The following GRID1 variants were observed in gnomAD, a reference collection of about 807,000 sequenced individuals.
The protein encoded by GRID1 is glutamate receptor ionotropic, delta-1.
Under a neutral mutation model 98.0 loss-of-function variants are expected in GRID1, and 28 were observed. The observed-to-expected ratio is 0.29, with a 90% CI of 0.21 to 0.39. The LOEUF (loss-of-function observed/expected upper bound fraction) is 0.39, where lower values mean the gene tolerates loss of function less well. Ranked by LOEUF, GRID1 falls within the 10% of genes least tolerant of loss-of-function variation. The pLI is 1.00. For synonymous variants in GRID1, 553 were observed against 538.5 expected, an observed-to-expected ratio of 1.03 and a Z score of -0.37; for missense variants, 1,111 against 1,340.5, an observed-to-expected ratio of 0.83 and a Z score of 2.67.
At chr10:86,061,552 C>G (rs1478703868) in intron 4 of GRID1, among the ~76,000 whole-genome samples, 1 of 152,242 alleles carries the variant, frequency 6.6e-6, no homozygotes, top group East Asian at 1.9e-4. Context: ...GCAGTCAAGA[C>G]CCCTCTCCAC....
At chr10:85,606,585 C>G (rs1427865849) in intron 15 of GRID1, 1 of 152,194 alleles carries the variant, frequency 6.6e-6, no homozygotes, top group Non-Finnish European at 1.5e-5. Context: ...CCTGCTCCTG[C>G]TGCTGTCTGT....
chr10:86,238,668 C>CAAAAA (rs931719950), intron 2 of GRID1, among the ~76,000 whole-genome samples: 22 of 47,044 alleles, frequency 4.7e-4, no homozygotes, highest in African/African-American at 1.2e-3. Flanking sequence ...GATTCCATCT[C>CAAAAA]AAAAAAAAAA....
chr10:85,603,814 C>T (rs1842617148), intron 15 of GRID1, among the ~76,000 whole-genome samples: 1 of 152,180 alleles, frequency 6.6e-6, no homozygotes, highest in African/African-American at 2.4e-5. Flanking sequence ...TCCCAAAGCT[C>T]AGCTCCCAGG....
intron 8 of GRID1, among the ~76,000 whole-genome samples, chr10:85,808,924 G>A (rs1312649915): frequency 6.6e-6 from 1 of 152,084 alleles, no homozygotes; most frequent in Non-Finnish European, 1.5e-5. Flanking sequence ...GATATTGAGT[G>A]AACAGACCAG....
rs369187793 is a variant in GRID1 at position 85,745,650 on chromosome 10, C to A, written c.1234-16036G>T. On this transcript the variant is annotated intron_variant, in intron 8 of 15. Transcript: ENST00000327946. Reference sequence around the variant, plus strand: ...TGACACGTTAGTGGGTGCAGCGCACCAGCATGGCACATGTATACATATGTA... The same window carrying A: ...TGACACGTTAGTGGGTGCAGCGCACAAGCATGGCACATGTATACATATGTA... 5.0e-4 allele frequency among the ~76,000 whole-genome samples: 70 copies of A among 140,124 alleles called. 1 individual carries two copies. In the East Asian group the frequency reaches 9.8e-3, roughly 20 times the overall value. 91.9% of individuals were successfully genotyped at this position (140,124 alleles called of 152,430 possible). A position where few individuals can be genotyped will look rare whatever the true frequency, so the allele number is the denominator to read the frequency against.
chr10:85,943,263 T>G (rs2131839542), intron 4 of GRID1, among the ~76,000 whole-genome samples: 1 of 152,306 alleles, frequency 6.6e-6, no homozygotes, highest in South Asian at 2.1e-4. Context: ...GGAAAATGAT[T>G]ATTTAATAAG....
At chr10:86,289,836 C>T (rs903936427) in intron 2 of GRID1, among the ~76,000 whole-genome samples, 2 of 152,192 alleles carry the variant, frequency 1.3e-5, no homozygotes, top group Non-Finnish European at 2.9e-5. Flanking sequence ...AAAGCCTTTG[C>T]CTGAGCTTTC....
intron 12 of GRID1, among the ~76,000 whole-genome samples, chr10:85,674,258 C>T (rs886393638): frequency 3.9e-5 from 6 of 152,188 alleles, no homozygotes; most frequent in Admixed American, 6.5e-5. Context: ...CCCCTGTGTT[C>T]GCCTAGGGAA....
chr10:86,328,439 A>T (rs1203264224), intron 2 of GRID1, among the ~76,000 whole-genome samples: 2 of 152,254 alleles, frequency 1.3e-5, no homozygotes, highest in African/African-American at 4.8e-5. Flanking sequence ...AGTGAATGGT[A>T]TGCGCTCAGC....
intron 4 of GRID1, among the ~76,000 whole-genome samples, chr10:86,130,919 G>A (rs1280051814): frequency 6.6e-6 from 1 of 152,112 alleles, no homozygotes; most frequent in Non-Finnish European, 1.5e-5. Context: ...CCCAGTTCCT[G>A]CACCTGCCCG....
intron 6 of GRID1, among the ~76,000 whole-genome samples, chr10:85,856,596 C>T (rs1843112309): frequency 6.6e-6 from 1 of 152,176 alleles, no homozygotes; most frequent in Non-Finnish European, 1.5e-5. Context: ...TGTCAAGAGA[C>T]AGGGCCAGGT....
At chr10:85,954,272 A>T (rs561998735) in intron 4 of GRID1, among the ~76,000 whole-genome samples, 1 of 152,290 alleles carries the variant, frequency 6.6e-6, no homozygotes, top group East Asian at 1.9e-4. Flanking sequence ...TATGAAATCT[A>T]ACAGAAAGAG....
chr10:85,786,221 C>T lies in GRID1; in HGVS notation c.1234-56607G>A, dbSNP rs77973972. 5.2e-3 allele frequency among the ~76,000 whole-genome samples: 791 copies of T among 152,264 alleles called. 8 individuals are homozygous for T. The highest frequency in any genetic ancestry group is 0.018 in the African/African-American group (757 of 41,530). On this transcript the variant is annotated intron_variant, in intron 8 of 15. Transcript: ENST00000327946. Reference sequence around the variant, plus strand: ...GAATCAATAGCCAGCCTAAGTGACACGATATGATTTTAGTGTGATTTCTAC... The same window carrying T: ...GAATCAATAGCCAGCCTAAGTGACATGATATGATTTTAGTGTGATTTCTAC...
intron 2 of GRID1, among the ~76,000 whole-genome samples, chr10:86,347,347 AC>A (rs1233595450): frequency 5.3e-5 from 8 of 150,532 alleles, no homozygotes; most frequent in African/African-American, 1.5e-4. Flanking sequence ...AAGTGACCCC[AC>A]CCCCATCTAC....
At chr10:86,065,442 C>T (rs1219300092) in intron 4 of GRID1, among the ~76,000 whole-genome samples, 2 of 152,256 alleles carry the variant, frequency 1.3e-5, no homozygotes, top group Non-Finnish European at 2.9e-5. Flanking sequence ...CCCATCCTTC[C>T]GGCCTTGGCT....
At chr10:85,872,298 A>G (rs1415548735) in intron 5 of GRID1, among the ~76,000 whole-genome samples, 1 of 152,232 alleles carries the variant, frequency 6.6e-6, no homozygotes, top group Non-Finnish European at 1.5e-5. Context: ...AATTATGCAC[A>G]AAAGAGAGAA....
chr10:86,264,644 C>A (rs1319706190), intron 2 of GRID1: 1 of 463,088 alleles, frequency 2.2e-6, no homozygotes, highest in Non-Finnish European at 4.4e-6. Flanking sequence ...AGGTTGGGAG[C>A]GAAGTGGTGA....
intron 3 of GRID1, among the ~76,000 whole-genome samples, chr10:86,200,394 A>G (rs1250471587): frequency 6.6e-6 from 1 of 152,192 alleles, no homozygotes; most frequent in African/African-American, 2.4e-5. Flanking sequence ...GGCATGGCAA[A>G]GTGGAGCAGT....
At chr10:86,037,202 G>C (rs1218831145) in intron 4 of GRID1, among the ~76,000 whole-genome samples, 1 of 152,156 alleles carries the variant, frequency 6.6e-6, no homozygotes, top group Non-Finnish European at 1.5e-5. Flanking sequence ...TTCTTTTCCA[G>C]AAAGGGGAAC....
Sources: allele counts gnomAD v4.1 joint callset (sites outside exome capture counted in the v4.1 genomes callset), GRCh38; gene constraint gnomAD v4.1.1; transcripts MANE v1.5; gene names NCBI Gene and HGNC (gene_info 2026-07-23, HGNC 2026-07-21).